Variants in NEMP2 observed in about 807,000 individuals in gnomAD.
NEMP2 encodes UPF0571 transmembrane protein.
Under a neutral mutation model 54.2 loss-of-function variants are expected in NEMP2, and 53 were observed. The observed-to-expected ratio is 0.98, with a 90% confidence interval of 0.78 to 1.23. The LOEUF is 1.23. NEMP2 is among the 50% of genes most tolerant of loss of function. The pLI, the probability that NEMP2 is intolerant of heterozygous loss-of-function variation, is 0.00. For missense variants in NEMP2, 455 were observed against 511.3 expected, an observed-to-expected ratio of 0.89 and a Z score of 1.06; for synonymous variants, 197 against 190.3, an observed-to-expected ratio of 1.04 and a Z score of -0.29.
the NEMP2 span, among the ~76,000 whole-genome samples, chr2:190,590,152 C>G: frequency 2.6e-5 from 4 of 152,186 alleles, no homozygotes; most frequent in Non-Finnish European, 5.9e-5. The surrounding 1 kb of genome is among the most constrained non-coding windows in gnomAD (Gnocchi z 5.1). Context: ...AAAGTTGCAA[C>G]AAAGGGAGGA....
the NEMP2 span, among the ~76,000 whole-genome samples, chr2:190,561,017 C>T: frequency 8.5e-5 from 13 of 152,264 alleles, no homozygotes; most frequent in African/African-American, 2.4e-4. This position sits in a 1 kb window ranked among gnomAD's most constrained non-coding sequence, Gnocchi z 5.4. Context: ...TAATATTTCA[C>T]GTGGAGCAGA....
chr2:190,528,539 A>G lies in NEMP2; in HGVS notation c.98-3161T>C, dbSNP rs191021035. On this transcript the variant is annotated intron_variant, in intron 1 of 8. Coordinates refer to ENST00000409150, the MANE Select transcript of NEMP2 (RefSeq NM_001142645.2). This position sits in a 1 kb window ranked among gnomAD's most constrained non-coding sequence, Gnocchi z 4.3. ...CTCAGGTACACGGACCCAGCAGCCCAAACTATGATAATAATGTTTACTTCC... is the reference window on the plus strand; with the variant it reads ...CTCAGGTACACGGACCCAGCAGCCCGAACTATGATAATAATGTTTACTTCC... Among the ~76,000 whole-genome samples the G allele has an allele frequency of 6.6e-6, 1 of 152,322 alleles. No homozygotes were observed. The highest frequency in any genetic ancestry group is 1.9e-4 in the East Asian group (1 of 5,188).
At chr2:190,535,742 G>A (rs1691355169), upstream of NEMP2, 1 of 152,184 alleles carries the variant, frequency 6.6e-6, no homozygotes, top group South Asian at 2.1e-4. Context: ...ACCATGTATG[G>A]CTTTTAAAAA....
chr2:190,639,541 T>C, the NEMP2 span, among the ~76,000 whole-genome samples: 2 of 152,232 alleles, frequency 1.3e-5, no homozygotes, highest in African/African-American at 4.8e-5. Flanking sequence ...AATTTGGTTT[T>C]CATTTTTATT....
the NEMP2 span, among the ~76,000 whole-genome samples, chr2:190,424,997 A>G: frequency 6.6e-6 from 1 of 152,216 alleles, no homozygotes; most frequent in African/African-American, 2.4e-5. The surrounding 1 kb of genome is among the most constrained non-coding windows in gnomAD (Gnocchi z 5.9). Context: ...ATTCATAAAC[A>G]TGGATCCATT....
chr2:190,547,349 C>G, the NEMP2 span, among the ~76,000 whole-genome samples: 1 of 152,140 alleles, frequency 6.6e-6, no homozygotes, highest in African/African-American at 2.4e-5. The surrounding 1 kb of genome is among the most constrained non-coding windows in gnomAD (Gnocchi z 6.2). Flanking sequence ...GAGTTTTATT[C>G]ATTATTCTAA....
the NEMP2 span, among the ~76,000 whole-genome samples, chr2:190,647,443 C>T: frequency 1.3e-5 from 2 of 152,064 alleles, no homozygotes; most frequent in Non-Finnish European, 2.9e-5. Context: ...TGCCTTGTAT[C>T]CCCATCAGCG....
chr2:190,567,157 A>C, the NEMP2 span, among the ~76,000 whole-genome samples: 1 of 152,196 alleles, frequency 6.6e-6, no homozygotes, highest in Non-Finnish European at 1.5e-5. The surrounding 1 kb of genome is among the most constrained non-coding windows in gnomAD (Gnocchi z 4.0). Context: ...ATTAGATAAA[A>C]AAGGAAGGAG....
chr2:190,514,329 T>C lies in NEMP2; in HGVS notation c.953+124A>G, dbSNP rs1690473244. On this transcript the variant is annotated intron_variant, in intron 7 of 8. Transcript: ENST00000409150. The surrounding 1 kb of genome is among the most constrained non-coding windows in gnomAD (Gnocchi z 5.7). ...TCTACCCCTACACCCCCAATCTTGCTCAGAATGAAATCTCCAGATCAAATG... is the reference window on the plus strand; with the variant it reads ...TCTACCCCTACACCCCCAATCTTGCCCAGAATGAAATCTCCAGATCAAATG... The C allele has an allele frequency of 1.0e-6, 1 of 969,668 alleles. No individual in the cohort carries two copies. The highest frequency in any genetic ancestry group is 1.6e-6 in the Non-Finnish European group (1 of 641,732). 60.1% of individuals were successfully genotyped at this position (969,668 alleles called of 1,614,324 possible).
At chr2:190,536,912 T>TTA (rs1691395142), upstream of NEMP2, among the ~76,000 whole-genome samples, 1 of 152,226 alleles carries the variant, frequency 6.6e-6, no homozygotes, top group Non-Finnish European at 1.5e-5. Context: ...AGAGGCATGT[T>TTA]TATTTCTGGA....
the NEMP2 span, among the ~76,000 whole-genome samples, chr2:190,446,206 G>A: frequency 6.6e-6 from 1 of 152,180 alleles, no homozygotes; most frequent in South Asian, 2.1e-4. Flanking sequence ...AAGCCTTGCT[G>A]AACTTTATCT....
the NEMP2 span, among the ~76,000 whole-genome samples, chr2:190,630,840 C>G: frequency 6.6e-6 from 1 of 152,014 alleles, no homozygotes; most frequent in Non-Finnish European, 1.5e-5. This position sits in a 1 kb window ranked among gnomAD's most constrained non-coding sequence, Gnocchi z 5.5. Flanking sequence ...TTTAACTTCA[C>G]TCAGTTTAAA....
the NEMP2 span, chr2:190,625,574 T>A: frequency 6.6e-6 from 1 of 152,188 alleles, no homozygotes; most frequent in South Asian, 2.1e-4. Flanking sequence ...TACATCTCAA[T>A]AAAGCTGTTA....
chr2:190,578,775 A>C, the NEMP2 span, among the ~76,000 whole-genome samples: 12 of 150,146 alleles, frequency 8.0e-5, no homozygotes, highest in Non-Finnish European at 1.6e-4. This position sits in a 1 kb window ranked among gnomAD's most constrained non-coding sequence, Gnocchi z 4.4. Flanking sequence ...GCAGGGGTGG[A>C]GGGAAAAAAA....
the NEMP2 span, among the ~76,000 whole-genome samples, chr2:190,553,049 CT>C: frequency 0.015 from 2,137 of 142,824 alleles, 42 homozygotes; most frequent in African/African-American, 0.043. Flanking sequence ...ATAACAATTT[CT>C]TTTTTTTTTT....
In NEMP2 at chr2:190,518,779, C is replaced by G; in HGVS notation, c.475G>C (p.Val159Leu). Residue 159 changes from valine to leucine, a missense_variant, in exon 4 of 9, where the codon GTG (valine) becomes CTG (leucine). Physicochemically the swap from Val to Leu is conservative, Grantham distance 32 (BLOSUM62 1). Around this residue, in one of 3 missense-constraint regions of NEMP2, gnomAD observed 294 missense variants for 333.6 expected, o/e 0.88. Transcript: ENST00000409150. Reference protein sequence around the residue: ...IMDFKLFLVFVAGVFLFFYAR... With the variant: ...IMDFKLFLVFLAGVFLFFYAR... The stretch of plus-strand genomic sequence containing the variant: ...TAAAAGAAAAGAAAAACTCCTGCCA[C>G]AAACACAAGGAAGAGTTTGAAATCC... 6.5e-7 allele frequency: 1 copy of G among 1,546,932 alleles called. No individual in the cohort carries two copies. The highest frequency in any genetic ancestry group is 8.7e-7 in the Non-Finnish European group (1 of 1,145,978).
chr2:190,641,533 C>G, the NEMP2 span: 2 of 152,762 alleles, frequency 1.3e-5, no homozygotes, highest in Non-Finnish European at 2.9e-5. Flanking sequence ...TCTCAGCAAA[C>G]AGGGTGGAGA....
the NEMP2 span, among the ~76,000 whole-genome samples, chr2:190,584,390 G>A: frequency 4.6e-5 from 7 of 152,234 alleles, no homozygotes; most frequent in Non-Finnish European, 7.4e-5. The surrounding 1 kb of genome is among the most constrained non-coding windows in gnomAD (Gnocchi z 4.2). Flanking sequence ...AAATAGTGCC[G>A]CAAATCTCAG....
the NEMP2 span, among the ~76,000 whole-genome samples, chr2:190,580,188 T>C: frequency 6.6e-6 from 1 of 152,156 alleles, no homozygotes. The surrounding 1 kb of genome is among the most constrained non-coding windows in gnomAD (Gnocchi z 5.3). Context: ...TGAAAGCAGA[T>C]AGGAAACTCT....
Sources: allele counts gnomAD v4.1 joint callset (sites outside exome capture counted in the v4.1 genomes callset), GRCh38; gene constraint gnomAD v4.1.1; regional missense constraint gnomAD v4.1.1; non-coding constraint Gnocchi (gnomAD v3.1); transcripts MANE v1.5; gene names NCBI Gene and HGNC (gene_info 2026-07-23, HGNC 2026-07-21).